Variants in MAP3K5 observed in about 807,000 individuals in gnomAD.
MAP3K5 encodes mitogen-activated protein kinase kinase kinase 5.
A neutral mutation model predicts 158.7 loss-of-function variants in MAP3K5; 56 were observed. The observed-to-expected ratio is 0.35, with a 90% CI of 0.28 to 0.44. The LOEUF is 0.44. Ranked by LOEUF, MAP3K5 falls within the 20% of genes least tolerant of loss-of-function variation. The pLI, the probability that MAP3K5 is intolerant of heterozygous loss-of-function variation, is 1.00. For missense variants in MAP3K5, 1,294 were observed against 1,674.8 expected, an observed-to-expected ratio of 0.77 and a Z score of 3.97; for synonymous variants, 579 against 601.7, an observed-to-expected ratio of 0.96 and a Z score of 0.55.
At chr6:136,762,536 G>T (rs116725123) in intron 1 of MAP3K5, among the ~76,000 whole-genome samples, 2,976 of 152,202 alleles carry the variant, frequency 0.02, 111 homozygotes, top group African/African-American at 0.067. Flanking sequence ...TGAGGGTAAG[G>T]GGGGAAGAGA....
At chr6:136,662,732 C>T (rs73777955) in intron 8 of MAP3K5, among the ~76,000 whole-genome samples, 1 of 152,106 alleles carries the variant, frequency 6.6e-6, no homozygotes. Flanking sequence ...TTCATCCATA[C>T]AGAAAAATTA....
chr6:136,593,034 G>C (rs1775465264), intron 21 of MAP3K5, among the ~76,000 whole-genome samples: 1 of 152,074 alleles, frequency 6.6e-6, no homozygotes, highest in Admixed American at 6.6e-5. Context: ...TAGCATCTTG[G>C]GGCTGCCTTG....
In MAP3K5 at chr6:136,602,332, A is replaced by C. The variant is rs546124184; in HGVS notation, c.2680-353T>G. Among the ~76,000 whole-genome samples the C allele has an allele frequency of 1.3e-3, 201 of 151,994 alleles. 1 individual carries two copies. Among genetic ancestry groups the C allele is most frequent in the African/African-American group, 4.7e-3 (196 of 41,464 alleles). ...TTTCTTTTTTTTGAGACAGGATCTC[A>C]CTCTGTCACCCAGGCTGGAGTGCAG... is the stretch of plus-strand genomic sequence containing the variant. On this transcript the variant is annotated intron_variant, in intron 19 of 29. Coordinates refer to ENST00000359015, the MANE Select transcript of MAP3K5 (RefSeq NM_005923.4).
chr6:136,618,586 G>C (rs1776667000), intron 15 of MAP3K5, among the ~76,000 whole-genome samples: 1 of 152,230 alleles, frequency 6.6e-6, no homozygotes, highest in African/African-American at 2.4e-5. Context: ...CTAAAGGTTA[G>C]TGAATTTGGC....
intron 1 of MAP3K5, among the ~76,000 whole-genome samples, chr6:136,757,064 G>A (rs1262424848): frequency 3.3e-5 from 5 of 152,146 alleles, no homozygotes; most frequent in Admixed American, 1.3e-4. Flanking sequence ...AGTAGAAATC[G>A]ATAGGAAGAC....
Position 136,734,419 on chromosome 6 carries a change from C to CG in MAP3K5, c.449-13831dup, listed in dbSNP as rs1554307208. Among the ~76,000 whole-genome samples the CG allele has an allele frequency of 2.8e-4, 15 of 52,806 alleles. 1 individual carries two copies. Among genetic ancestry groups the CG allele is most frequent in the African/African-American group, 1.2e-3 (9 of 7,624 alleles). The allele number at this position is 52,806 out of a possible 152,430, so 34.6% of individuals were successfully genotyped here. ...TAGCCAACAAAGCGAGACTCTGTCT[C>CG]GGAAAAAAAAAAAAAAAAAAAAAAA... On this transcript the variant is annotated intron_variant, in intron 1 of 29. Coordinates refer to ENST00000359015, the MANE Select transcript of MAP3K5 (RefSeq NM_005923.4).
chr6:136,613,106 C>T lies in MAP3K5; in HGVS notation c.2415+14G>A. ...AAGAAAGAACTCATGAAAATGAATG[C>T]TGGTGTACCTCACCTTTATGTCCCG... On this transcript the variant is annotated intron_variant, in intron 17 of 29. Transcript: ENST00000359015. This position sits in a 1 kb window ranked among gnomAD's most constrained non-coding sequence, Gnocchi z 4.0. 6.3e-7 allele frequency: 1 copy of T among 1,583,922 alleles called. No individual in the cohort carries two copies. The highest frequency in any genetic ancestry group is 8.6e-7 in the Non-Finnish European group (1 of 1,166,782).
chr6:136,751,604 G>C (rs1159644666), intron 1 of MAP3K5, among the ~76,000 whole-genome samples: 1 of 152,226 alleles, frequency 6.6e-6, no homozygotes, highest in African/African-American at 2.4e-5. Context: ...CAATCAGGCA[G>C]TAATGTTTTA....
chr6:136,720,355 T>C (rs1372454305), intron 2 of MAP3K5, 95 bp downstream of exon 2: 3 of 1,204,348 alleles, frequency 2.5e-6, no homozygotes, highest in Middle Eastern at 2.1e-4. Flanking sequence ...TAAAAGTCTT[T>C]CACAAATAAA....
At chr6:136,608,141 G>T (rs1299724850) in intron 18 of MAP3K5, among the ~76,000 whole-genome samples, 1 of 152,108 alleles carries the variant, frequency 6.6e-6, no homozygotes, top group Non-Finnish European at 1.5e-5. Context: ...ATGCAGGAAG[G>T]TCCACGTTTC....
Position 136,557,371 on chromosome 6 carries a change from C to G in MAP3K5, c.*387G>C, listed in dbSNP as rs530268633. On this transcript the variant is annotated 3_prime_UTR_variant, in exon 30 of 30. Transcript: ENST00000359015. ...ACAGAAGCCTAAACAGTTATGGTCA[C>G]ATTTTGGTTTTGTTCCAGTGGTGCA... 3.5e-5 allele frequency: 6 copies of G among 172,876 alleles called. No individual in the cohort carries two copies. The South Asian group carries it at 5.7e-4, about 16-fold the overall frequency. The allele number at this position is 172,876 out of a possible 1,614,324, so 10.7% of individuals were successfully genotyped here.
At chr6:136,558,940 A>G (rs2129067209) in intron 28 of MAP3K5, 64 bp from the exon 29 acceptor site, 1 of 810,514 alleles carries the variant, frequency 1.2e-6, no homozygotes, top group Non-Finnish European at 2.1e-6. Context: ...CACAAACTCT[A>G]TTCATAATGT....
chr6:136,638,580 A>G (rs1777762236), intron 13 of MAP3K5, among the ~76,000 whole-genome samples: 2 of 152,216 alleles, frequency 1.3e-5, no homozygotes, highest in South Asian at 4.1e-4. Context: ...ATTATCATAG[A>G]AACAGGTCAA....
intron 1 of MAP3K5, among the ~76,000 whole-genome samples, chr6:136,735,818 G>A (rs1400924292): frequency 6.6e-5 from 10 of 151,986 alleles, no homozygotes; most frequent in Admixed American, 1.3e-4. Context: ...GACAGAGCAC[G>A]AACCTATCTC....
chr6:136,721,853 TAAG>T (rs1781758187), intron 1 of MAP3K5, among the ~76,000 whole-genome samples: 1 of 152,068 alleles, frequency 6.6e-6, no homozygotes, highest in Non-Finnish European at 1.5e-5. Flanking sequence ...CCCCTAGCTC[TAAG>T]AAGAATAAAA....
At chr6:136,696,523 C>T (rs959959828) in intron 5 of MAP3K5, among the ~76,000 whole-genome samples, 1 of 152,134 alleles carries the variant, frequency 6.6e-6, no homozygotes, top group African/African-American at 2.4e-5. Flanking sequence ...TGTGCCACAG[C>T]CCTCCATGGA....
rs1477792111 is a variant in MAP3K5, at chr6:136,562,543, G to A, written c.3834C>T (p.Asp1278=). 4 of 1,602,162 alleles carry A rather than the reference G, an allele frequency of 2.5e-6. No individual in the cohort carries two copies. The highest frequency in any genetic ancestry group is 3.4e-6 in the Non-Finnish European group (4 of 1,174,410). The change falls in exon 27 of 30, where the codon GAC becomes GAT. Residue 1278 remains aspartate, a synonymous_variant. Transcript: ENST00000359015. ...TAAGCTTCAGGTGTTTAATTTCTTG[G>A]TCTTTTTCTTCAATAGCTCGATGAA... ...ALLHRAIEEK[D]QEIKHLKLKS...
intron 11 of MAP3K5, among the ~76,000 whole-genome samples, chr6:136,643,511 T>C (rs1379034416): frequency 6.6e-6 from 1 of 152,180 alleles, no homozygotes; most frequent in Non-Finnish European, 1.5e-5. Context: ...CCTGGGCTAA[T>C]AAAATGGGTG....
At chr6:136,580,896 C>A (rs1321878326) in intron 24 of MAP3K5, among the ~76,000 whole-genome samples, 1 of 151,932 alleles carries the variant, frequency 6.6e-6, no homozygotes, top group East Asian at 1.9e-4. Context: ...CTCACTGCAA[C>A]CTGTGCCTCC....
Sources: gnomAD v4.1 joint callset for allele counts (sites outside exome capture counted in the v4.1 genomes callset) on GRCh38, gnomAD v4.1.1 for gene constraint, Gnocchi (gnomAD v3.1) non-coding constraint, MANE v1.5 for transcripts, NCBI Gene and HGNC (gene_info 2026-07-23, HGNC 2026-07-21) for gene names.